The following MIB1 variants were observed in gnomAD, a reference collection of about 807,000 sequenced individuals.
MIB1 encodes E3 ubiquitin-protein ligase MIB1.
MIB1 carries 278 observed loss-of-function variants against 124.5 expected under a neutral mutation model. The observed-to-expected ratio is 2.23, with a 90% CI of 2.02 to 2.47. The LOEUF (loss-of-function observed/expected upper bound fraction) is 2.47, where lower values mean the gene tolerates loss of function less well. MIB1 is among the 30% of genes most tolerant of loss of function. The pLI is 0.00. For missense variants in MIB1, 957 were observed against 1,254.4 expected, an observed-to-expected ratio of 0.76 and a Z score of 3.58; for synonymous variants, 446 against 429.4, an observed-to-expected ratio of 1.04 and a Z score of -0.48.
chr18:21,774,840 T>A (rs750548701), intron 4 of MIB1, among the ~76,000 whole-genome samples: 10 of 151,294 alleles, frequency 6.6e-5, no homozygotes, highest in Non-Finnish European at 1.5e-4. Context: ...TGAGGCAGAG[T>A]CTCGCTGTGT....
chr18:21,728,090 G>A (rs1479363394), intron 1 of MIB1, among the ~76,000 whole-genome samples: 2 of 152,182 alleles, frequency 1.3e-5, no homozygotes, highest in Admixed American at 6.5e-5. Flanking sequence ...TATGCAGTTA[G>A]CATTTCCATT....
chr18:21,768,697 G>A lies in MIB1; in HGVS notation c.476G>A (p.Arg159Gln), dbSNP rs371548133. The change falls in exon 3 of 21, where the codon CGA becomes CAA. Residue 159 changes from arginine to glutamine, a missense_variant. Arg to Gln is a conservative substitution (Grantham distance 43, BLOSUM62 1). Transcript: ENST00000261537. ...RGIFAGARVV[R>Q]GVDWQWEDQD... ...ATCTTTGCAGGTGCCAGAGTGGTGC[G>A]AGGAGTGGACTGGCAGTGGGAAGAT... 59 of 1,610,464 alleles carry A rather than the reference G, an allele frequency of 3.7e-5. No individual in the cohort carries two copies. The highest frequency in any genetic ancestry group is 4.7e-5 in the Non-Finnish European group (55 of 1,178,354).
In MIB1 at chr18:21,865,731, CT is replaced by C. The variant is rs1417944267; in HGVS notation, c.*1068del. On this transcript the variant is annotated 3_prime_UTR_variant, in exon 21 of 21. Transcript: ENST00000261537. The stretch of plus-strand genomic sequence containing the variant: ...ATTATAGGCCTTATTTCCATTATCT[CT>C]TTCTTTATAGTATTTTTTGTTATAA... The C allele has an allele frequency of 6.6e-6, 1 of 152,570 alleles. No individual in the cohort carries two copies. The highest frequency in any genetic ancestry group is 1.5e-5 in the Non-Finnish European group (1 of 68,008). The allele number at this position is 152,570 out of a possible 1,614,324, so 9.5% of individuals were successfully genotyped here.
chr18:21,843,041 G>A (rs2042105066), intron 13 of MIB1, 90 bp from the exon 14 acceptor site: 6 of 827,988 alleles, frequency 7.2e-6, no homozygotes, highest in African/African-American at 1.8e-5. Context: ...GCAGTGTTCG[G>A]TGTTATTTAT....
chr18:21,722,901 G>T (rs570551200), intron 1 of MIB1, among the ~76,000 whole-genome samples: 64 of 152,298 alleles, frequency 4.2e-4, no homozygotes, highest in South Asian at 2.3e-3. Context: ...GGCTAAAGCA[G>T]TTGTTTGCCA....
intron 1 of MIB1, among the ~76,000 whole-genome samples, chr18:21,752,851 ATTG>A (rs2040990739): frequency 6.6e-6 from 1 of 152,222 alleles, no homozygotes; most frequent in Admixed American, 6.5e-5. Context: ...TCATTGCAAT[ATTG>A]TTTATTAAAA....
At chr18:21,756,843 C>T (rs1568188484) in intron 1 of MIB1, among the ~76,000 whole-genome samples, 1 of 152,100 alleles carries the variant, frequency 6.6e-6, no homozygotes, top group Non-Finnish European at 1.5e-5. Flanking sequence ...AAAATATAAA[C>T]AAATCCATTA....
At chr18:21,845,256 T>C (rs1051408716) in intron 15 of MIB1, among the ~76,000 whole-genome samples, 1 of 152,012 alleles carries the variant, frequency 6.6e-6, no homozygotes, top group Non-Finnish European at 1.5e-5. Flanking sequence ...GTGATCTGCC[T>C]GCCTCAGCCT....
rs62090824 is a variant in MIB1 at position 21,848,578 on chromosome 18, G to T, written c.2394-618G>T. Among the ~76,000 whole-genome samples the T allele has an allele frequency of 7.6e-3, 1,153 of 152,328 alleles. 8 individuals are homozygous for T. The highest frequency in any genetic ancestry group is 0.013 in the Non-Finnish European group (913 of 68,026). On this transcript the variant is annotated intron_variant, in intron 16 of 20. Transcript: ENST00000261537. Reference sequence around the variant, plus strand: ...GTGTACGTGTTCGTGAGTTTCTGAAGATTGTGGTAGAAACAGGGCATCCCT... The same window carrying T: ...GTGTACGTGTTCGTGAGTTTCTGAATATTGTGGTAGAAACAGGGCATCCCT...
At chr18:21,852,655 G>A (rs910367875) in intron 17 of MIB1, among the ~76,000 whole-genome samples, 2 of 152,126 alleles carry the variant, frequency 1.3e-5, no homozygotes, top group African/African-American at 4.8e-5. Flanking sequence ...CCTGGAAAAG[G>A]GCACTTTAAG....
chr18:21,857,362 C>T, intron 19 of MIB1, 119 bp downstream of exon 19: 1 of 667,924 alleles, frequency 1.5e-6, no homozygotes. Context: ...GACTTGGATC[C>T]ACAGTGGAAC....
At chr18:21,785,401 C>CATATAA (rs1191552060) in intron 6 of MIB1, among the ~76,000 whole-genome samples, 1 of 152,078 alleles carries the variant, frequency 6.6e-6, no homozygotes, top group African/African-American at 2.4e-5. Context: ...ACCCACAGGC[C>CATATAA]CAGTAGGGCT....
chr18:21,812,858 G>A (rs754818463), intron 10 of MIB1, among the ~76,000 whole-genome samples: 6 of 152,148 alleles, frequency 3.9e-5, no homozygotes, highest in Non-Finnish European at 7.4e-5. Flanking sequence ...CACATGAGCT[G>A]TGTTTTAGGT....
intron 12 of MIB1, among the ~76,000 whole-genome samples, chr18:21,838,082 A>G: frequency 6.6e-6 from 1 of 152,098 alleles, no homozygotes; most frequent in East Asian, 1.9e-4. Flanking sequence ...TTTCCCAGAT[A>G]GTAATAGTGT....
At chr18:21,845,865 C>T (rs898955069) in intron 15 of MIB1, among the ~76,000 whole-genome samples, 3 of 151,854 alleles carry the variant, frequency 2.0e-5, no homozygotes, top group Admixed American at 6.6e-5. Context: ...CCTCATGATC[C>T]GTCTGCTTCA....
chr18:21,769,913 C>G lies in MIB1; in HGVS notation c.531+1161C>G, dbSNP rs138410211. Among the ~76,000 whole-genome samples, 786 of 152,246 alleles carry G rather than the reference C, an allele frequency of 5.2e-3. 6 individuals are homozygous for G. The highest frequency in any genetic ancestry group is 0.014 in the South Asian group (70 of 4,830). Reference sequence around the variant, plus strand: ...TTTAACACATGTTGTGTTTTAAGAACAAAATGAGGGCCAGGCATGGTGGCT... The same window carrying G: ...TTTAACACATGTTGTGTTTTAAGAAGAAAATGAGGGCCAGGCATGGTGGCT... On this transcript the variant is annotated intron_variant, in intron 3 of 20. Transcript: ENST00000261537.
upstream of MIB1, among the ~76,000 whole-genome samples, chr18:21,739,542 C>G (rs1244304398): frequency 6.6e-6 from 1 of 152,082 alleles, no homozygotes; most frequent in East Asian, 1.9e-4. Flanking sequence ...ATGCGAAAAT[C>G]TTCAATAAAA....
rs2042320418 is a variant in MIB1, at chr18:21,866,248, AG to A, written c.*1583del. 1 of 152,166 alleles carries A rather than the reference AG, an allele frequency of 6.6e-6. No individual in the cohort carries two copies. Among genetic ancestry groups the A allele is most frequent in the Non-Finnish European group, 1.5e-5 (1 of 68,040 alleles). The allele number at this position is 152,166 out of a possible 1,614,324, so 9.4% of individuals were successfully genotyped here. On this transcript the variant is annotated 3_prime_UTR_variant, in exon 21 of 21. Coordinates refer to ENST00000261537, the MANE Select transcript of MIB1 (RefSeq NM_020774.4). ...TGCTGCCTTTGCAAGTCCTGGTGAAAGCAATGGGGAGCTTTGCTGGCTGGTT... is the reference window on the plus strand; with the variant it reads ...TGCTGCCTTTGCAAGTCCTGGTGAAACAATGGGGAGCTTTGCTGGCTGGTT...
chr18:21,775,550 C>T (rs942836151), intron 4 of MIB1, among the ~76,000 whole-genome samples: 1 of 152,178 alleles, frequency 6.6e-6, no homozygotes, highest in African/African-American at 2.4e-5. Context: ...CCAATTCATG[C>T]CACTTATATA....
Sources: allele counts gnomAD v4.1 joint callset (sites outside exome capture counted in the v4.1 genomes callset), GRCh38; gene constraint gnomAD v4.1.1; transcripts MANE v1.5; gene names NCBI Gene and HGNC (gene_info 2026-07-23, HGNC 2026-07-21).